Variants in NFIA observed in about 807,000 individuals in gnomAD.
NFIA encodes the protein nuclear factor I A.
Under a neutral mutation model 62.8 loss-of-function variants are expected in NFIA, and 8 were observed. That is an observed-to-expected ratio of 0.13 (90% CI 0.07 to 0.23). NFIA has a LOEUF of 0.23. Ranked by LOEUF, NFIA falls within the 10% of genes least tolerant of loss-of-function variation. The pLI, the probability that NFIA is intolerant of heterozygous loss-of-function variation, is 1.00. For synonymous variants in NFIA, 235 were observed against 238.1 expected, an observed-to-expected ratio of 0.99 and a Z score of 0.12; for missense variants, 410 against 642.1, an observed-to-expected ratio of 0.64 and a Z score of 3.91.
intron 2 of NFIA, among the ~76,000 whole-genome samples, chr1:61,228,540 T>C (rs1274664426): frequency 1.3e-5 from 2 of 152,234 alleles, no homozygotes; most frequent in African/African-American, 2.4e-5. Context: ...ACAGGGTTAA[T>C]GTTGGAAGAG....
chr1:61,140,311 T>C (rs916228708), intron 2 of NFIA, among the ~76,000 whole-genome samples: 8 of 150,052 alleles, frequency 5.3e-5, no homozygotes, highest in African/African-American at 2.0e-4. Flanking sequence ...CGAAATTGTT[T>C]ACTGCCTCCA....
chr1:61,332,000 C>T (rs1421420361), intron 3 of NFIA, among the ~76,000 whole-genome samples: 2 of 152,036 alleles, frequency 1.3e-5, no homozygotes, highest in African/African-American at 4.8e-5. Context: ...TGAGTTGGGG[C>T]TTGCTTTTTC....
Position 61,180,333 on chromosome 1 carries a change from C to T in NFIA, c.559+91653C>T, listed in dbSNP as rs192559971. Among the ~76,000 whole-genome samples the T allele has an allele frequency of 1.2e-3, 187 of 152,284 alleles. 1 individual carries two copies. Among genetic ancestry groups the T allele is most frequent in the Non-Finnish European group, 1.3e-4 (9 of 68,028 alleles). ...CCATCACTATGGAGCCTCTTTATTG[C>T]CCAGCAAAAGCCTTAAATGATAATG... On this transcript the variant is annotated intron_variant, in intron 2 of 10. Coordinates refer to ENST00000403491, the MANE Select transcript of NFIA (RefSeq NM_001134673.4).
intron 2 of NFIA, among the ~76,000 whole-genome samples, chr1:61,127,968 C>T (rs1038771566): frequency 5.3e-5 from 8 of 152,152 alleles, no homozygotes; most frequent in African/African-American, 1.9e-4. Context: ...ACCGGGAGCT[C>T]CTCAAGGGCA....
chr1:61,263,990 A>T (rs796647187), intron 2 of NFIA, among the ~76,000 whole-genome samples: 3 of 144,380 alleles, frequency 2.1e-5, no homozygotes, highest in Admixed American at 6.9e-5. Flanking sequence ...ACTCTGACTT[A>T]AAAAAAAAAA....
chr1:61,372,351 T>G (rs965848993), intron 6 of NFIA, among the ~76,000 whole-genome samples: 14 of 152,254 alleles, frequency 9.2e-5, no homozygotes, highest in South Asian at 2.1e-4. Flanking sequence ...TTCTAAGATA[T>G]GAAGACAGTT....
chr1:61,444,662 A>G (rs544022925), intron 10 of NFIA, among the ~76,000 whole-genome samples: 90 of 152,332 alleles, frequency 5.9e-4, no homozygotes, highest in South Asian at 4.1e-3. Flanking sequence ...AAACTATCTT[A>G]AAGTATTTCT....
intron 7 of NFIA, among the ~76,000 whole-genome samples, 154 bp downstream of exon 7, chr1:61,383,519 G>A (rs1284444270): frequency 6.6e-6 from 1 of 152,232 alleles, no homozygotes; most frequent in Non-Finnish European, 1.5e-5. Flanking sequence ...GAATTTTAGA[G>A]ACCAAAGAGA....
intron 2 of NFIA, among the ~76,000 whole-genome samples, chr1:61,273,883 G>A (rs575046238): frequency 1.3e-5 from 2 of 152,148 alleles, no homozygotes; most frequent in Middle Eastern, 6.8e-3. Context: ...TACATGGAAG[G>A]GATATTTATA....
intron 2 of NFIA, among the ~76,000 whole-genome samples, chr1:61,255,981 C>T (rs1344846197): frequency 6.6e-6 from 1 of 152,184 alleles, no homozygotes; most frequent in Non-Finnish European, 1.5e-5. Flanking sequence ...ATTTCTAGCT[C>T]TGTAAATACC....
intron 6 of NFIA, among the ~76,000 whole-genome samples, chr1:61,378,798 A>T (rs1357643080): frequency 6.6e-6 from 1 of 152,168 alleles, no homozygotes; most frequent in Non-Finnish European, 1.5e-5. Flanking sequence ...ATGTGGGACT[A>T]AGGTCCCTGC....
intron 7 of NFIA, among the ~76,000 whole-genome samples, chr1:61,401,542 T>C (rs914734009): frequency 3.9e-5 from 6 of 152,196 alleles, no homozygotes; most frequent in Non-Finnish European, 8.8e-5. Flanking sequence ...GCTTGATCTT[T>C]GCTCAAGTGA....
chr1:61,176,043 A>G (rs1650317817), intron 2 of NFIA, among the ~76,000 whole-genome samples: 1 of 152,218 alleles, frequency 6.6e-6, no homozygotes, highest in South Asian at 2.1e-4. Context: ...TTGGTGCAGG[A>G]TGGAGATAGG....
chr1:61,161,388 A>G (rs1649190028), intron 2 of NFIA, among the ~76,000 whole-genome samples: 3 of 152,212 alleles, frequency 2.0e-5, no homozygotes, highest in Admixed American at 2.0e-4. Context: ...CTTCTGTTCT[A>G]GACACAAGTC....
intron 1 of NFIA, 42 bp downstream of exon 1, chr1:61,082,860 G>C (rs1291538512): frequency 6.5e-7 from 1 of 1,541,318 alleles, no homozygotes. Context: ...GGGCCGGGGC[G>C]CCGGGGGCAG....
intron 2 of NFIA, among the ~76,000 whole-genome samples, chr1:61,104,465 T>C (rs887715584): frequency 6.6e-6 from 1 of 152,058 alleles, no homozygotes; most frequent in African/African-American, 2.4e-5. Context: ...TTAGACCAAT[T>C]TCATTAGACG....
intron 6 of NFIA, among the ~76,000 whole-genome samples, chr1:61,377,344 C>G (rs940747525): frequency 1.3e-5 from 2 of 152,104 alleles, no homozygotes; most frequent in East Asian, 1.9e-4. Flanking sequence ...TGGACGTGAT[C>G]GACATGCAGA....
At chr1:61,164,417 T>TTC (rs1649425822) in intron 2 of NFIA, among the ~76,000 whole-genome samples, 1 of 152,152 alleles carries the variant, frequency 6.6e-6, no homozygotes, top group African/African-American at 2.4e-5. Flanking sequence ...CTTGGGAAAA[T>TTC]GTCTCAAGCT....
intron 7 of NFIA, among the ~76,000 whole-genome samples, chr1:61,395,495 G>T (rs1383981127): frequency 2.6e-5 from 4 of 152,046 alleles, no homozygotes; most frequent in African/African-American, 4.8e-5. Flanking sequence ...ATCTATGGTG[G>T]TTAGTTTTCT....
Sources: allele counts gnomAD v4.1 joint callset (sites outside exome capture counted in the v4.1 genomes callset), GRCh38; gene constraint gnomAD v4.1.1; transcripts MANE v1.5; gene names NCBI Gene and HGNC (gene_info 2026-07-23, HGNC 2026-07-21).